The following DCC variants were observed in gnomAD, a reference collection of about 807,000 sequenced individuals.
The protein encoded by DCC is netrin receptor DCC.
In DCC, 58 loss-of-function variants were observed where a neutral mutation model predicts 172.5. The observed-to-expected ratio is 0.34, with a 90% CI of 0.27 to 0.42. The LOEUF is 0.42. DCC is among the 10% of genes least tolerant of loss of function. The pLI is 1.00. For missense variants in DCC, 1,740 were observed against 1,791.0 expected, an observed-to-expected ratio of 0.97 and a Z score of 0.51; for synonymous variants, 709 against 644.5, an observed-to-expected ratio of 1.10 and a Z score of -1.52.
intron 11 of DCC, 57 bp from the exon 12 acceptor site, chr18:53,215,491 G>T (rs2055831752): frequency 2.3e-6 from 3 of 1,302,912 alleles, no homozygotes; most frequent in Non-Finnish European, 3.3e-6. Flanking sequence ...TAGACAGGTG[G>T]TATTTTTCTT....
intron 11 of DCC, among the ~76,000 whole-genome samples, chr18:53,214,634 G>T (rs893600525): frequency 1.3e-5 from 2 of 152,120 alleles, no homozygotes; most frequent in African/African-American, 4.8e-5. Context: ...CAAGGATAGG[G>T]ACTACTCACT....
At chr18:52,387,495 TACCAGCAGCAGAGAC>T (rs1385085443) in intron 1 of DCC, among the ~76,000 whole-genome samples, 1 of 152,114 alleles carries the variant, frequency 6.6e-6, no homozygotes, top group East Asian at 1.9e-4. Flanking sequence ...ACAGAGCTAC[TACCAGCAGCAGAGAC>T]ACCAGCTTCC....
intron 1 of DCC, among the ~76,000 whole-genome samples, chr18:52,449,850 G>C (rs1007309776): frequency 2.0e-5 from 3 of 152,176 alleles, no homozygotes; most frequent in Non-Finnish European, 4.4e-5. Flanking sequence ...CTGCCACCAT[G>C]TAAGACATCC....
intron 2 of DCC, among the ~76,000 whole-genome samples, chr18:52,902,142 C>G (rs1328141175): frequency 1.3e-5 from 2 of 152,246 alleles, no homozygotes; most frequent in African/African-American, 2.4e-5. Flanking sequence ...TTCAATAGAT[C>G]TGAGAATTGT....
chr18:52,795,298 T>G (rs1194267829), intron 2 of DCC, among the ~76,000 whole-genome samples: 1 of 151,948 alleles, frequency 6.6e-6, no homozygotes, highest in Non-Finnish European at 1.5e-5. Flanking sequence ...TGATTCAATT[T>G]TATTATTCAT....
At chr18:53,351,059 A>G (rs2057785945) in intron 15 of DCC, among the ~76,000 whole-genome samples, 1 of 150,824 alleles carries the variant, frequency 6.6e-6, no homozygotes. Flanking sequence ...TTCTAAACCT[A>G]TAGCTGTTTT....
intron 25 of DCC, among the ~76,000 whole-genome samples, chr18:53,478,309 C>A (rs1377753757): frequency 2.0e-5 from 3 of 152,078 alleles, no homozygotes; most frequent in Middle Eastern, 3.4e-3. Context: ...TGAGAGCATT[C>A]CTTGAAGAAA....
At chr18:53,271,259 A>G (rs1243279836) in intron 12 of DCC, among the ~76,000 whole-genome samples, 1 of 152,150 alleles carries the variant, frequency 6.6e-6, no homozygotes, top group Non-Finnish European at 1.5e-5. Flanking sequence ...TATTTAAAGG[A>G]GGTTTTTAAC....
At chr18:52,490,488 C>A (rs1405632567) in intron 1 of DCC, among the ~76,000 whole-genome samples, 2 of 152,018 alleles carry the variant, frequency 1.3e-5, no homozygotes, top group Non-Finnish European at 2.9e-5. Context: ...GACGGGGAAA[C>A]TGAGACTAAG....
At chr18:53,246,433 G>C in intron 12 of DCC, among the ~76,000 whole-genome samples, 1 of 151,688 alleles carries the variant, frequency 6.6e-6, no homozygotes, top group Non-Finnish European at 1.5e-5. Context: ...ACTTGGATCT[G>C]AGAAAGGGTC....
At chr18:52,804,433 A>G (rs2038049385) in intron 2 of DCC, among the ~76,000 whole-genome samples, 1 of 152,234 alleles carries the variant, frequency 6.6e-6, no homozygotes, top group Non-Finnish European at 1.5e-5. Context: ...AGTTTCATCT[A>G]CATTGTATCG....
intron 12 of DCC, among the ~76,000 whole-genome samples, chr18:53,274,726 G>A (rs2056787049): frequency 6.6e-6 from 1 of 152,080 alleles, no homozygotes; most frequent in South Asian, 2.1e-4. Flanking sequence ...GAAACTAGGG[G>A]CCTGGATTGC....
At chr18:52,978,370 A>G (rs2041156738) in intron 5 of DCC, among the ~76,000 whole-genome samples, 1 of 152,224 alleles carries the variant, frequency 6.6e-6, no homozygotes, top group Non-Finnish European at 1.5e-5. Flanking sequence ...CCTTGAACAA[A>G]CTGACACTCT....
chr18:52,715,317 TG>T (rs2036361690), intron 1 of DCC, among the ~76,000 whole-genome samples: 1 of 151,652 alleles, frequency 6.6e-6, no homozygotes, highest in Non-Finnish European at 1.5e-5. Context: ...TTGTTGTTTT[TG>T]AGACCAAGTG....
intron 5 of DCC, among the ~76,000 whole-genome samples, chr18:52,993,308 A>G (rs1373926268): frequency 6.6e-6 from 1 of 152,108 alleles, no homozygotes; most frequent in Non-Finnish European, 1.5e-5. Flanking sequence ...GTAGGATGTA[A>G]CTCCAACTTA....
intron 2 of DCC, among the ~76,000 whole-genome samples, chr18:52,766,781 A>G (rs1241541213): frequency 6.6e-6 from 1 of 151,978 alleles, no homozygotes; most frequent in East Asian, 1.9e-4. Context: ...TTGAGCAGGA[A>G]AACAGGGATA....
At position 53,403,866 on chromosome 18, in the gene DCC, C is replaced by T. The variant is rs190863337; in HGVS notation, c.2935+973C>T. Among the ~76,000 whole-genome samples the T allele has an allele frequency of 9.3e-4, 141 of 152,224 alleles. 1 individual carries two copies. The highest frequency in any genetic ancestry group is 1.4e-3 in the Non-Finnish European group (95 of 67,994). ...TGAATTTTGCAAAATGAAAAGATAA[C>T]GTGAAAATTCCAAATAGGATTGAAA... On this transcript the variant is annotated intron_variant, in intron 19 of 28. Coordinates refer to ENST00000442544, the MANE Select transcript of DCC (RefSeq NM_005215.4).
chr18:52,519,722 G>T (rs934768458), intron 1 of DCC, among the ~76,000 whole-genome samples: 1 of 152,212 alleles, frequency 6.6e-6, no homozygotes, highest in Non-Finnish European at 1.5e-5. Context: ...ATCAGGCCAT[G>T]ACTATGTAAT....
chr18:53,035,844 A>T (rs1248119187), intron 5 of DCC, among the ~76,000 whole-genome samples: 1 of 151,996 alleles, frequency 6.6e-6, no homozygotes, highest in Non-Finnish European at 1.5e-5. Context: ...TAGAAACAGT[A>T]ATGGACATCC....
Sources: allele counts gnomAD v4.1 joint callset (sites outside exome capture counted in the v4.1 genomes callset), GRCh38; gene constraint gnomAD v4.1.1; transcripts MANE v1.5; gene names NCBI Gene and HGNC (gene_info 2026-07-23, HGNC 2026-07-21).